The following NRXN1 variants were observed in gnomAD, a reference collection of about 807,000 sequenced individuals.
NRXN1 encodes the protein neurexin 1.
A neutral mutation model predicts 150.9 loss-of-function variants in NRXN1; 39 were observed. That is an observed-to-expected ratio of 0.26 (90% CI 0.20 to 0.34). The LOEUF is 0.34. Ranked by LOEUF, NRXN1 falls within the 10% of genes least tolerant of loss-of-function variation. The pLI, the probability that NRXN1 is intolerant of heterozygous loss-of-function variation, is 1.00. For missense variants in NRXN1, 1,815 were observed against 1,949.9 expected (o/e 0.93, Z 1.30); for synonymous variants, 924 against 757.0 (o/e 1.22, Z -3.62).
At chr2:49,984,015 A>G (rs78907042) in intron 21 of NRXN1, among the ~76,000 whole-genome samples, 7 of 151,234 alleles carry the variant, frequency 4.6e-5, no homozygotes, top group Middle Eastern at 6.9e-3. Context: ...TTAAAAAAAA[A>G]ATTAGCTGGG....
rs191201747 is a variant in NRXN1, at chr2:50,873,124, C to G, written c.832+48745G>C. Among the ~76,000 whole-genome samples the G allele has an allele frequency of 1.0e-3, 158 of 151,978 alleles. 1 individual carries two copies. The highest frequency in any genetic ancestry group is 3.5e-3 in the African/African-American group (147 of 41,520). Reference sequence around the variant, plus strand: ...CATTCAGTAGCTATTGGGTCATGAGCACATTAACCTATCTGTGCCTCAGTT... The same window carrying G: ...CATTCAGTAGCTATTGGGTCATGAGGACATTAACCTATCTGTGCCTCAGTT... On this transcript the variant is annotated intron_variant, in intron 5 of 22. Coordinates refer to ENST00000401669, the MANE Select transcript of NRXN1 (RefSeq NM_001330078.2).
rs555932751 is a variant in NRXN1, at chr2:50,930,560, T to A, written c.773-4605A>T. ...TAATGAATTCAATTTCAAATTTTCATGAGGAACTACTACAAGGATTTTCAA... is the reference window on the plus strand; with the variant it reads ...TAATGAATTCAATTTCAAATTTTCAAGAGGAACTACTACAAGGATTTTCAA... On this transcript the variant is annotated intron_variant, in intron 2 of 22. Transcript: ENST00000401669. 1.4e-4 allele frequency among the ~76,000 whole-genome samples: 21 copies of A among 152,252 alleles called. No homozygotes were observed. In the South Asian group the frequency reaches 4.3e-3, roughly 32 times the overall value.
At chr2:50,129,765 T>C (rs1241809756) in intron 18 of NRXN1, among the ~76,000 whole-genome samples, 1 of 152,132 alleles carries the variant, frequency 6.6e-6, no homozygotes, top group Non-Finnish European at 1.5e-5. Flanking sequence ...ACTGTCCAGG[T>C]ATTAAGAAAG....
chr2:50,897,981 A>G (rs1029081583), intron 5 of NRXN1, among the ~76,000 whole-genome samples: 6 of 152,220 alleles, frequency 3.9e-5, no homozygotes. Flanking sequence ...TCACTACAGT[A>G]TATCTTCCAC....
intron 5 of NRXN1, chr2:50,917,735 G>A (rs569189258): frequency 6.6e-6 from 1 of 151,766 alleles, no homozygotes; most frequent in Admixed American, 6.6e-5. Flanking sequence ...GACTGTGTCA[G>A]CCCTTGGTCT....
chr2:50,522,731 T>C lies in NRXN1; in HGVS notation c.2374+5894A>G, dbSNP rs2092826371. ...ATTTATTTTTATTCATTTTTTTTTT[T>C]TTTTTTTTTTTTTTTTTTTGAGAGG... On this transcript the variant is annotated intron_variant, in intron 12 of 22. Transcript: ENST00000401669. Among the ~76,000 whole-genome samples, 5 of 120,752 alleles carry C rather than the reference T, an allele frequency of 4.1e-5. 1 individual carries two copies. Among genetic ancestry groups the C allele is most frequent in the Admixed American group, 1.7e-4 (2 of 12,034 alleles). 79.2% of individuals were successfully genotyped at this position (120,752 alleles called of 152,430 possible).
intron 5 of NRXN1, among the ~76,000 whole-genome samples, chr2:50,850,233 A>G (rs1317934276): frequency 6.9e-6 from 1 of 145,452 alleles, no homozygotes; most frequent in Non-Finnish European, 1.5e-5. Flanking sequence ...TCTCGACAGA[A>G]AAAAAAAAAA....
chr2:50,173,489 G>A (rs1314046752), intron 18 of NRXN1, among the ~76,000 whole-genome samples: 2 of 152,074 alleles, frequency 1.3e-5, no homozygotes, highest in Non-Finnish European at 1.5e-5. Context: ...AACTAGCACT[G>A]GAACAAGACA....
chr2:50,506,816 G>A (rs1462802630), intron 12 of NRXN1, 199 bp from the exon 13 acceptor site: 10 of 563,520 alleles, frequency 1.8e-5, no homozygotes, highest in Non-Finnish European at 2.8e-5. Flanking sequence ...GCCCATTAGA[G>A]TCATAGCAAG....
intron 21 of NRXN1, among the ~76,000 whole-genome samples, chr2:49,992,051 G>A (rs1682059091): frequency 6.6e-6 from 1 of 152,128 alleles, no homozygotes; most frequent in Non-Finnish European, 1.5e-5. Context: ...ATAATTTAGA[G>A]ACAGACAATT....
intron 21 of NRXN1, among the ~76,000 whole-genome samples, chr2:49,987,262 A>G (rs1248676174): frequency 6.6e-6 from 1 of 152,098 alleles, no homozygotes; most frequent in Non-Finnish European, 1.5e-5. Flanking sequence ...GAGTGAGAAC[A>G]TGCAGTAAAA....
intron 5 of NRXN1, chr2:50,918,562 T>C (rs1685543781): frequency 5.3e-6 from 2 of 373,858 alleles, no homozygotes; most frequent in African/African-American, 4.2e-5. Flanking sequence ...AACCAGCTAT[T>C]ATGGCTTGAT....
At chr2:50,048,324 A>G (rs1692157546) in intron 21 of NRXN1, among the ~76,000 whole-genome samples, 1 of 152,182 alleles carries the variant, frequency 6.6e-6, no homozygotes, top group Admixed American at 6.6e-5. Context: ...ACTAGGGAAA[A>G]TAAATTAATT....
At chr2:50,510,876 C>T (rs933065456) in intron 12 of NRXN1, among the ~76,000 whole-genome samples, 22 of 152,072 alleles carry the variant, frequency 1.4e-4, no homozygotes, top group African/African-American at 2.2e-4. Context: ...GGTCAGAATT[C>T]AGCTCTACAG....
intron 22 of NRXN1, among the ~76,000 whole-genome samples, chr2:49,928,146 C>CTA (rs2104121385): frequency 6.6e-6 from 1 of 151,278 alleles, no homozygotes; most frequent in South Asian, 2.1e-4. Flanking sequence ...AAAACATAGG[C>CTA]TATATATTTA....
chr2:50,549,403 T>C (rs1667096239), intron 9 of NRXN1, among the ~76,000 whole-genome samples: 1 of 152,174 alleles, frequency 6.6e-6, no homozygotes, highest in Non-Finnish European at 1.5e-5. Flanking sequence ...GGACAGAACT[T>C]GGCTTAGTGA....
At chr2:50,425,657 G>C (rs1358277882) in intron 17 of NRXN1, among the ~76,000 whole-genome samples, 1 of 152,056 alleles carries the variant, frequency 6.6e-6, no homozygotes, top group African/African-American at 2.4e-5. Flanking sequence ...GATTTGTTCA[G>C]GTTCATTTTC....
intron 22 of NRXN1, among the ~76,000 whole-genome samples, chr2:49,929,736 A>C (rs1426188769): frequency 6.6e-6 from 1 of 152,138 alleles, no homozygotes; most frequent in Non-Finnish European, 1.5e-5. Context: ...TTTTTCTCTA[A>C]GAAAATCCCC....
Position 50,915,142 on chromosome 2 carries a change from AT to A in NRXN1, c.832+6726del, listed in dbSNP as rs1280134503. ...AACATTTTTAGCAAAATCTTGAAGT[AT>A]GTGAGAATACTAGCCAATTATTTAA... On this transcript the variant is annotated intron_variant, in intron 5 of 22. Coordinates refer to ENST00000401669, the MANE Select transcript of NRXN1 (RefSeq NM_001330078.2). Among the ~76,000 whole-genome samples, 15 of 151,778 alleles carry A rather than the reference AT, an allele frequency of 9.9e-5. No individual in the cohort carries two copies. The Middle Eastern group carries it at 0.01, about 103-fold the overall frequency.
Sources: allele counts gnomAD v4.1 joint callset (sites outside exome capture counted in the v4.1 genomes callset), GRCh38; gene constraint gnomAD v4.1.1; transcripts MANE v1.5; gene names NCBI Gene and HGNC (gene_info 2026-07-23, HGNC 2026-07-21).